The following AKT3 variants were observed in gnomAD, a reference collection of about 807,000 sequenced individuals.
AKT3 encodes the protein AKT serine/threonine kinase 3, also known as RAC-gamma serine/threonine-protein kinase.
Under a neutral mutation model 65.3 loss-of-function variants are expected in AKT3, and 15 were observed. That is an observed-to-expected ratio of 0.23 (90% CI 0.15 to 0.35). The LOEUF is 0.35. Among genes scored for constraint, AKT3 ranks in the 10% least tolerant of loss-of-function variants. The pLI is 1.00. For synonymous variants in AKT3, 206 were observed against 183.8 expected (o/e 1.12, Z -0.98); for missense variants, 243 against 576.5 (o/e 0.42, Z 5.92).
chr1:243,753,469 G>C (rs947768125), intron 2 of AKT3, among the ~76,000 whole-genome samples: 1 of 152,022 alleles, frequency 6.6e-6, no homozygotes, highest in African/African-American at 2.4e-5. Flanking sequence ...AATTGAAAGA[G>C]AAACAAGCCA....
At chr1:243,538,399 A>T (rs1353397195) in intron 12 of AKT3, among the ~76,000 whole-genome samples, 1 of 152,110 alleles carries the variant, frequency 6.6e-6, no homozygotes, top group Non-Finnish European at 1.5e-5. Context: ...ACAAAGAAAA[A>T]AAAAACAAAC....
intron 3 of AKT3, among the ~76,000 whole-genome samples, chr1:243,679,104 TCTTC>T (rs769079476): frequency 3.3e-5 from 5 of 152,244 alleles, no homozygotes; most frequent in Non-Finnish European, 5.9e-5. Context: ...ATATATTTTC[TCTTC>T]CTTATGATTT....
At chr1:243,701,036 T>C (rs1685426212) in intron 2 of AKT3, among the ~76,000 whole-genome samples, 1 of 152,220 alleles carries the variant, frequency 6.6e-6, no homozygotes, top group Non-Finnish European at 1.5e-5. Flanking sequence ...AGTCCATATA[T>C]AAACATTTTA....
chr1:243,683,491 C>G (rs1001022573), intron 3 of AKT3, among the ~76,000 whole-genome samples: 2 of 152,014 alleles, frequency 1.3e-5, no homozygotes, highest in Admixed American at 1.3e-4. Flanking sequence ...ACAGTAGGTG[C>G]AAATGGTTGT....
At chr1:243,595,114 AT>A (rs1231975178) in intron 8 of AKT3, among the ~76,000 whole-genome samples, 2 of 152,218 alleles carry the variant, frequency 1.3e-5, no homozygotes, top group Non-Finnish European at 2.9e-5. Context: ...TTGTGACAAC[AT>A]CCTAGGGTTT....
chr1:243,788,612 T>C (rs1252907663), intron 2 of AKT3: 2 of 152,244 alleles, frequency 1.3e-5, no homozygotes, highest in Non-Finnish European at 2.9e-5. Context: ...GTAACACAAA[T>C]TTTTTGGATT....
chr1:243,657,579 C>T (rs1219939525), intron 4 of AKT3, among the ~76,000 whole-genome samples: 2 of 151,990 alleles, frequency 1.3e-5, no homozygotes, highest in African/African-American at 4.8e-5. Context: ...ACAAAGTAAG[C>T]TACAGATTCA....
intron 3 of AKT3, among the ~76,000 whole-genome samples, chr1:243,673,829 G>A (rs773526424): frequency 1.4e-4 from 22 of 152,106 alleles, no homozygotes; most frequent in Admixed American, 2.6e-4. Context: ...TGGTCAGGAT[G>A]GTCTCGGTCT....
chr1:243,719,148 A>G (rs1254139385), intron 2 of AKT3, among the ~76,000 whole-genome samples: 1 of 152,216 alleles, frequency 6.6e-6, no homozygotes, highest in Non-Finnish European at 1.5e-5. Flanking sequence ...AGTCATTGCA[A>G]AAACATTTGC....
In AKT3 at chr1:243,822,246, T is replaced by C. The variant is rs181965604; in HGVS notation, c.46+20879A>G. Reference sequence around the variant, plus strand: ...GAAATCAATGAAAACAAAGAGACAATGTACCAGAATCTCTGGGATGTAGCT... The same window carrying C: ...GAAATCAATGAAAACAAAGAGACAACGTACCAGAATCTCTGGGATGTAGCT... On this transcript the variant is annotated intron_variant, in intron 2 of 13. Coordinates refer to ENST00000673466, the MANE Select transcript of AKT3 (RefSeq NM_005465.7). 2.2e-3 allele frequency among the ~76,000 whole-genome samples: 341 copies of C among 152,048 alleles called. 1 individual carries two copies. The highest frequency in any genetic ancestry group is 8.0e-3 in the African/African-American group (332 of 41,502).
intron 2 of AKT3, 56 bp from the exon 3 acceptor site, chr1:243,695,772 G>T (rs1350818490): frequency 4.1e-6 from 6 of 1,479,944 alleles, no homozygotes; most frequent in Middle Eastern, 1.8e-4. Flanking sequence ...CAGCTTTTAT[G>T]CAAAAAATAA....
intron 12 of AKT3, among the ~76,000 whole-genome samples, chr1:243,522,619 C>CA (rs1670790696): frequency 6.6e-6 from 1 of 151,930 alleles, no homozygotes; most frequent in Non-Finnish European, 1.5e-5. Context: ...CCCTGGGTGA[C>CA]AGAGAGAGAC....
At chr1:243,834,620 C>T (rs1694771739) in intron 2 of AKT3, among the ~76,000 whole-genome samples, 1 of 151,764 alleles carries the variant, frequency 6.6e-6, no homozygotes, top group South Asian at 2.1e-4. Flanking sequence ...CTTAAAACTA[C>T]CTATAGGGTA....
chr1:243,531,924 T>A (rs989934268), intron 12 of AKT3, among the ~76,000 whole-genome samples: 1 of 152,214 alleles, frequency 6.6e-6, no homozygotes, highest in Non-Finnish European at 1.5e-5. Context: ...ATAGCTAGTA[T>A]ATGGAAATAC....
chr1:243,701,207 T>C (rs1018252031), intron 2 of AKT3, among the ~76,000 whole-genome samples: 2 of 152,228 alleles, frequency 1.3e-5, no homozygotes, highest in African/African-American at 4.8e-5. Flanking sequence ...TAGTCTTTCA[T>C]CTAGAATAAC....
intron 2 of AKT3, among the ~76,000 whole-genome samples, chr1:243,798,007 C>T (rs931324737): frequency 4.0e-5 from 6 of 151,190 alleles, no homozygotes; most frequent in Admixed American, 2.6e-4. Context: ...CTCAGCCTCC[C>T]AAGTAGCTGG....
chr1:243,508,050 G>A (rs904248675), intron 13 of AKT3, among the ~76,000 whole-genome samples: 1 of 152,174 alleles, frequency 6.6e-6, no homozygotes, highest in Non-Finnish European at 1.5e-5. Flanking sequence ...CTAACGAATG[G>A]TACTACCCTG....
intron 2 of AKT3, among the ~76,000 whole-genome samples, chr1:243,727,341 T>C (rs1687271946): frequency 6.6e-6 from 1 of 152,170 alleles, no homozygotes; most frequent in South Asian, 2.1e-4. Context: ...TTGCCCAGGC[T>C]GGAGTGCGAT....
At chr1:243,713,545 C>T (rs932698053) in intron 2 of AKT3, among the ~76,000 whole-genome samples, 1 of 151,980 alleles carries the variant, frequency 6.6e-6, no homozygotes, top group Non-Finnish European at 1.5e-5. Flanking sequence ...TCTCTCCAAA[C>T]AACCTCTTGA....
Sources: allele counts gnomAD v4.1 joint callset (sites outside exome capture counted in the v4.1 genomes callset), GRCh38; gene constraint gnomAD v4.1.1; transcripts MANE v1.5; gene names NCBI Gene and HGNC (gene_info 2026-07-23, HGNC 2026-07-21).